The following TRAF7 variants were observed in gnomAD, a reference collection of about 807,000 sequenced individuals.
The protein encoded by TRAF7 is E3 ubiquitin-protein ligase TRAF7.
A neutral mutation model predicts 89.3 loss-of-function variants in TRAF7; 45 were observed. The observed-to-expected ratio is 0.50, with a 90% CI of 0.40 to 0.65. The LOEUF (loss-of-function observed/expected upper bound fraction) is 0.65. Among genes scored for constraint, TRAF7 ranks in the 30% least tolerant of loss-of-function variants. The pLI, the probability that TRAF7 is intolerant of heterozygous loss-of-function variation, is 0.00. For missense variants in TRAF7, 677 were observed against 918.1 expected (o/e 0.74, Z 3.39); for synonymous variants, 406 against 369.2 (o/e 1.10, Z -1.14).
At chr16:2,174,107 C>T in intron 13 of TRAF7, 59 bp downstream of exon 13, 1 of 1,606,662 alleles carries the variant, frequency 6.2e-7, no homozygotes, top group South Asian at 1.1e-5. Context: ...TGCCACATGC[C>T]TGGCACTGCC....
At chr16:2,166,311 C>T (rs577958117) in intron 3 of TRAF7, among the ~76,000 whole-genome samples, 1 of 152,312 alleles carries the variant, frequency 6.6e-6, no homozygotes, top group Admixed American at 6.5e-5. Context: ...GTCCCGTGTG[C>T]CCGGAGGTCT....
chr16:2,172,200 C>T lies in TRAF7; in HGVS notation c.485C>T (p.Pro162Leu). 1 of 1,613,034 alleles carries T rather than the reference C, an allele frequency of 6.2e-7. No homozygotes were observed. Among genetic ancestry groups the T allele is most frequent in the Non-Finnish European group, 8.5e-7 (1 of 1,179,964 alleles). Reference sequence around the variant, plus strand: ...CGCCCTCCTCTCCCAGAGAAGTGTCCCGTGGACAACGTCAAACTGACCGTG... The same window carrying T: ...CGCCCTCCTCTCCCAGAGAAGTGTCTCGTGGACAACGTCAAACTGACCGTG... ...RRCALKSEKC[P>L]VDNVKLTVVV... Residue 162 changes from proline to leucine, a missense_variant, in exon 8 of 21, where the codon CCC becomes CTC. Physicochemically the swap from Pro to Leu is moderately conservative, Grantham distance 98. Transcript: ENST00000326181.
intron 13 of TRAF7, 23 bp downstream of exon 13, chr16:2,174,071 C>T (rs2093125256): frequency 2.5e-6 from 4 of 1,611,338 alleles, no homozygotes; most frequent in Non-Finnish European, 3.4e-6. Flanking sequence ...CTACCTCAGT[C>T]TCTGCAGCCT....
intron 7 of TRAF7, among the ~76,000 whole-genome samples, chr16:2,171,938 T>C (rs1343429290): frequency 6.6e-6 from 1 of 152,202 alleles, no homozygotes; most frequent in African/African-American, 2.4e-5. Flanking sequence ...CGCTCCTGCC[T>C]GCCTCTCCGC....
At position 2,172,489 on chromosome 16, in the gene TRAF7, C is replaced by T; in HGVS notation, c.684C>T (p.Tyr228=). ...ARKDHEGSCD[Y]RPVRCPNNPS... ...GGGACCACGAGGGCAGCTGTGACTACAGGCCTGTGCGGTGTCCCAACAACC... is the reference window on the plus strand; with the variant it reads ...GGGACCACGAGGGCAGCTGTGACTATAGGCCTGTGCGGTGTCCCAACAACC... The change falls in exon 9 of 21, where the codon TAC becomes TAT. Residue 228 remains tyrosine (Y), a synonymous_variant. Transcript: ENST00000326181. 1 of 1,608,568 alleles carries T rather than the reference C, an allele frequency of 6.2e-7. No individual in the cohort carries two copies. Among genetic ancestry groups the T allele is most frequent in the Non-Finnish European group, 8.5e-7 (1 of 1,178,478 alleles).
At position 2,176,165 on chromosome 16, in the gene TRAF7, C is replaced by T. The variant is rs780704874; in HGVS notation, c.1863C>T (p.Tyr621=). 28 of 1,607,260 alleles carry T rather than the reference C, an allele frequency of 1.7e-5. No homozygotes were observed. The highest frequency in any genetic ancestry group is 7.7e-5 in the South Asian group (7 of 90,906). The change falls in exon 19 of 21, where the codon TAC becomes TAT. Residue 621 remains tyrosine, a synonymous_variant. Coordinates refer to ENST00000326181, the MANE Select transcript of TRAF7 (RefSeq NM_032271.3). ...PDQTKVFSAS[Y]DRSLRVWSMD... is the part of the protein sequence containing the mutation. ...AGACCAAAGTCTTCAGTGCATCCTA[C>T]GACCGGTCCCTCAGGGTGCGTGCTG... is the stretch of plus-strand genomic sequence containing the variant.
chr16:2,170,938 C>G (rs1649481318), intron 5 of TRAF7, among the ~76,000 whole-genome samples: 1 of 152,252 alleles, frequency 6.6e-6, no homozygotes. Context: ...TCCCCCTTCT[C>G]AGGGCTGCCC....
Position 2,164,444 on chromosome 16 carries a change from G to C in TRAF7, c.81+443G>C, listed in dbSNP as rs1295324115. On this transcript the variant is annotated intron_variant, in intron 2 of 20. Coordinates refer to ENST00000326181, the MANE Select transcript of TRAF7 (RefSeq NM_032271.3). ...CTGCGTGGCCTGGCCTGGTCGCATG[G>C]TTAAGCGTGTTAGTGCTGCGTGGCC... 3.5e-5 allele frequency among the ~76,000 whole-genome samples: 5 copies of C among 142,096 alleles called. No individual in the cohort carries two copies. The East Asian group carries it at 8.7e-4, about 25-fold the overall frequency. The allele number at this position is 142,096 out of a possible 152,430, so 93.2% of individuals were successfully genotyped here. A position where few individuals can be genotyped will look rare whatever the true frequency, so the allele number is the denominator to read the frequency against.
In TRAF7 at chr16:2,162,244, G is replaced by A. The variant is rs867017290; in HGVS notation, c.-38-1639G>A. Among the ~76,000 whole-genome samples, 4 of 151,086 alleles carry A rather than the reference G, an allele frequency of 2.6e-5. No individual in the cohort carries two copies. The highest frequency in any genetic ancestry group is 5.9e-5 in the Non-Finnish European group (4 of 67,772). ...GACAGGTGGGCCTGGGCAGCCTAGAGAATGGGAGAGGAGACAGCAGGAGTG... is the reference window on the plus strand; with the variant it reads ...GACAGGTGGGCCTGGGCAGCCTAGAAAATGGGAGAGGAGACAGCAGGAGTG... On this transcript the variant is annotated intron_variant, in intron 1 of 20. Coordinates refer to ENST00000326181, the MANE Select transcript of TRAF7 (RefSeq NM_032271.3). This position sits in a 1 kb window ranked among gnomAD's most constrained non-coding sequence, Gnocchi z 5.0.
At chr16:2,156,307 C>T (rs991841238) in intron 1 of TRAF7, among the ~76,000 whole-genome samples, 2 of 152,174 alleles carry the variant, frequency 1.3e-5, no homozygotes, top group Non-Finnish European at 2.9e-5. Context: ...AACAGCTTGC[C>T]TGGCTCCTGG....
At position 2,158,819 on chromosome 16, in the gene TRAF7, C is replaced by T. The variant is rs1165568649; in HGVS notation, c.-39+2961C>T. 6.6e-6 allele frequency among the ~76,000 whole-genome samples: 1 copy of T among 151,584 alleles called. No individual in the cohort carries two copies. Among genetic ancestry groups the T allele is most frequent in the Non-Finnish European group, 1.5e-5 (1 of 67,896 alleles). On this transcript the variant is annotated intron_variant, in intron 1 of 20. Transcript: ENST00000326181. This position sits in a 1 kb window ranked among gnomAD's most constrained non-coding sequence, Gnocchi z 4.7. ...TTGGCTCTTGGGCAAAGCTCACGAC[C>T]TGTTTCTGAGAGTCTGAGGCCCACT...
In TRAF7 at chr16:2,175,515, G is replaced by T. The variant is rs973501527; in HGVS notation, c.1519G>T (p.Gly507Cys). The change falls in exon 17 of 21, where the codon GGC becomes TGC. Residue 507 changes from glycine to cysteine, a missense_variant. Transcript: ENST00000326181. ...LKAIKVWDIV[G>C]TELKLKKELT... ...ATCCCTGCAGGTCTGGGACATCGTGGGCACTGAGCTGAAGTTGAAGAAGGA... is the reference window on the plus strand; with the variant it reads ...ATCCCTGCAGGTCTGGGACATCGTGTGCACTGAGCTGAAGTTGAAGAAGGA... The T allele has an allele frequency of 6.2e-7, 1 of 1,613,246 alleles. No homozygotes were observed. Among genetic ancestry groups the T allele is most frequent in the African/African-American group, 1.3e-5 (1 of 74,922 alleles).
At chr16:2,171,957 C>T (rs933077119) in intron 7 of TRAF7, among the ~76,000 whole-genome samples, 8 of 152,222 alleles carry the variant, frequency 5.3e-5, no homozygotes, top group Admixed American at 6.5e-5. Context: ...GCACTCTGCC[C>T]TCTGCCCTCT....
rs2093049679 is a variant in TRAF7 at position 2,159,691 on chromosome 16, T to C, written c.-39+3833T>C. On this transcript the variant is annotated intron_variant, in intron 1 of 20. Coordinates refer to ENST00000326181, the MANE Select transcript of TRAF7 (RefSeq NM_032271.3). This position sits in a 1 kb window ranked among gnomAD's most constrained non-coding sequence, Gnocchi z 6.5. Reference sequence around the variant, plus strand: ...CCCTGTGGCAGGCGGGGCGGAGGCTTCTGGAGCCGTCCCAGGCTCCTCCCA... The same window carrying C: ...CCCTGTGGCAGGCGGGGCGGAGGCTCCTGGAGCCGTCCCAGGCTCCTCCCA... Among the ~76,000 whole-genome samples the C allele has an allele frequency of 6.6e-6, 1 of 152,144 alleles. No homozygotes were observed.
rs2093144610 is a variant in TRAF7, at chr16:2,177,638, C to G, written c.*1064C>G. 4.2e-6 allele frequency: 1 copy of G among 237,030 alleles called. No homozygotes were observed. Among genetic ancestry groups the G allele is most frequent in the East Asian group, 6.1e-5 (1 of 16,412 alleles). The allele number at this position is 237,030 out of a possible 1,614,324, so 14.7% of individuals were successfully genotyped here. On this transcript the variant is annotated 3_prime_UTR_variant, in exon 21 of 21. Coordinates refer to ENST00000326181, the MANE Select transcript of TRAF7 (RefSeq NM_032271.3). Reference sequence around the variant, plus strand: ...GCCTGCACAGCCCCTGGAGAGGGGGCCAGGCACACCCTCAGAGGAGCTGCA... The same window carrying G: ...GCCTGCACAGCCCCTGGAGAGGGGGGCAGGCACACCCTCAGAGGAGCTGCA...
In TRAF7 at chr16:2,177,892, T is replaced by C. The variant is rs1347030261; in HGVS notation, c.*1318T>C. Reference sequence around the variant, plus strand: ...CCCCCGGGCCCCAGCCTTCCACCTGTGCTAGCAGCCTGGGGCCTCCACTCT... The same window carrying C: ...CCCCCGGGCCCCAGCCTTCCACCTGCGCTAGCAGCCTGGGGCCTCCACTCT... On this transcript the variant is annotated 3_prime_UTR_variant, in exon 21 of 21. Transcript: ENST00000326181. 2 of 317,556 alleles carry C rather than the reference T, an allele frequency of 6.3e-6. No individual in the cohort carries two copies. The highest frequency in any genetic ancestry group is 1.0e-4 in the Admixed American group (2 of 20,100). The allele number at this position is 317,556 out of a possible 1,614,324, so 19.7% of individuals were successfully genotyped here.
chr16:2,175,095 G>T lies in TRAF7; in HGVS notation c.1347-16G>T, dbSNP rs745628677. 6.2e-7 allele frequency: 1 copy of T among 1,613,738 alleles called. No individual in the cohort carries two copies. Among genetic ancestry groups the T allele is most frequent in the Non-Finnish European group, 8.5e-7 (1 of 1,179,956 alleles). ...ACAGCTTCTCCCACCTTGACACATT[G>T]TCTCTGCTTCCCCAGGTGCAAACTC... On this transcript the variant is annotated splice_polypyrimidine_tract_variant and intron_variant, in intron 14 of 20. Coordinates refer to ENST00000326181, the MANE Select transcript of TRAF7 (RefSeq NM_032271.3).
intron 12 of TRAF7, 23 bp downstream of exon 12, chr16:2,173,859 T>TTGGG: frequency 6.4e-6 from 8 of 1,246,152 alleles, no homozygotes; most frequent in Middle Eastern, 2.6e-4. Context: ...CCGCCGTGGC[T>TTGGG]CCCGCCCACC....
In TRAF7 at chr16:2,173,763, C is replaced by T. The variant is rs765109289; in HGVS notation, c.1087-25C>T. 6.2e-6 allele frequency: 10 copies of T among 1,609,504 alleles called. No homozygotes were observed. The South Asian group carries it at 8.8e-5, about 14-fold the overall frequency. On this transcript the variant is annotated intron_variant, in intron 11 of 20. Transcript: ENST00000326181. ...CCCACAGCAGCCCTGCCCACCTGCC[C>T]TCTGCCCTGCCCTTGGCCCTGCAGG... is the stretch of plus-strand genomic sequence containing the variant.
Sources: gnomAD v4.1 joint callset for allele counts (sites outside exome capture counted in the v4.1 genomes callset) on GRCh38, gnomAD v4.1.1 for gene constraint, Gnocchi (gnomAD v3.1) non-coding constraint, MANE v1.5 for transcripts, NCBI Gene and HGNC (gene_info 2026-07-23, HGNC 2026-07-21) for gene names.